CUX1: variants seen among roughly 807,000 people sequenced by gnomAD.
CUX1 encodes protein CASP.
In CUX1, 31 loss-of-function variants were observed where a neutral mutation model predicts 158.8. The ratio of observed to expected loss-of-function variants is 0.20; its 90% CI spans 0.15 to 0.26. The LOEUF is 0.26. CUX1 is among the 10% of genes least tolerant of loss of function. The pLI is 1.00. For synonymous variants in CUX1, 879 were observed against 862.1 expected (o/e 1.02, Z -0.34); for missense variants, 1,589 against 2,014.6 (o/e 0.79, Z 4.04).
intron 8 of CUX1, among the ~76,000 whole-genome samples, chr7:102,136,013 T>C (rs1833861002): frequency 6.6e-6 from 1 of 152,128 alleles, no homozygotes; most frequent in African/African-American, 2.4e-5. Flanking sequence ...CAATCCATTT[T>C]CTTATTTTTC....
intron 8 of CUX1, among the ~76,000 whole-genome samples, chr7:102,131,254 G>A (rs1288157054): frequency 6.6e-6 from 1 of 152,140 alleles, no homozygotes; most frequent in African/African-American, 2.4e-5. Context: ...GACCAGTTGT[G>A]TTAAGTGGCT....
chr7:102,008,028 AC>A (rs773332739), intron 2 of CUX1, among the ~76,000 whole-genome samples: 18 of 152,074 alleles, frequency 1.2e-4, no homozygotes, highest in Non-Finnish European at 2.4e-4. Context: ...TACAGGCACC[AC>A]TTCTGGTTCT....
intron 3 of CUX1, 52 bp from the exon 4 acceptor site, chr7:102,070,287 T>C (rs377587): frequency 0.83 from 1,243,659 of 1,491,136 alleles, 520,125 homozygotes; most frequent in East Asian, 0.99. Flanking sequence ...AATTACCTCT[T>C]GACAAATGTT....
Position 102,253,499 on chromosome 7 carries a change from A to G in CUX1, c.*4457A>G. ...GGATGACTTTGTTCCTCCTGCATGC[A>G]TGTCCTTTGATGCAAGGGTGATCAA... On this transcript the variant is annotated 3_prime_UTR_variant, in exon 24 of 24. Coordinates refer to ENST00000292535, the MANE Select transcript of CUX1 (RefSeq NM_181552.4). 1 of 985,490 alleles carries G rather than the reference A, an allele frequency of 1.0e-6. No homozygotes were observed. Among genetic ancestry groups the G allele is most frequent in the Non-Finnish European group, 1.2e-6 (1 of 829,956 alleles). The allele number at this position is 985,490 out of a possible 1,614,324, so 61.0% of individuals were successfully genotyped here.
chr7:101,867,223 A>G (rs1798024370), intron 1 of CUX1, among the ~76,000 whole-genome samples: 1 of 152,234 alleles, frequency 6.6e-6, no homozygotes, highest in Non-Finnish European at 1.5e-5. Context: ...TCTTGAAAAA[A>G]TAGAAGTAAA....
intron 3 of CUX1, among the ~76,000 whole-genome samples, chr7:102,040,309 A>G (rs1821919675): frequency 6.6e-6 from 1 of 152,198 alleles, no homozygotes; most frequent in Non-Finnish European, 1.5e-5. Flanking sequence ...AGAAGCAAGG[A>G]GAACCAGCCA....
At chr7:101,908,497 CAG>C (rs763129461) in intron 1 of CUX1, among the ~76,000 whole-genome samples, 2 of 146,454 alleles carry the variant, frequency 1.4e-5, no homozygotes, top group Non-Finnish European at 3.0e-5. Context: ...TGAATAGAGA[CAG>C]AGTTTCACTG....
chr7:102,038,184 A>T (rs1285114127), intron 3 of CUX1, among the ~76,000 whole-genome samples: 1 of 152,210 alleles, frequency 6.6e-6, no homozygotes, highest in Non-Finnish European at 1.5e-5. Context: ...ATAAAGATTC[A>T]TACTTACCTC....
chr7:101,893,158 C>CTTTTTTTT lies in CUX1; in HGVS notation c.31-22937_31-22930dup, dbSNP rs10589615. On this transcript the variant is annotated intron_variant, in intron 1 of 23. Coordinates refer to ENST00000292535, the MANE Select transcript of CUX1 (RefSeq NM_181552.4). Reference sequence around the variant, plus strand: ...TTCTTTTTACTTTTTATTTTTATTACTTTTTTTTTTTTTTTTTTTTTTTTT... The same window carrying CTTTTTTTT: ...TTCTTTTTACTTTTTATTTTTATTACTTTTTTTTTTTTTTTTTTTTTTTTTTTTTTTTT... 2.8e-4 allele frequency among the ~76,000 whole-genome samples: 18 copies of CTTTTTTTT among 64,950 alleles called. 5 individuals carry two copies. Among genetic ancestry groups the CTTTTTTTT allele is most frequent in the South Asian group, 6.4e-4 (1 of 1,566 alleles). 42.6% of individuals were successfully genotyped at this position (64,950 alleles called of 152,430 possible). A position where few individuals can be genotyped will look rare whatever the true frequency, so the allele number is the denominator to read the frequency against.
rs3088355 is a variant in CUX1, at chr7:102,256,177, C to T, written c.*7135C>T. Reference sequence around the variant, plus strand: ...GGCAGGATAGGGAGTATCCGTGATTCAGAAGCTGAGACCCTTCCCCAGTGT... The same window carrying T: ...GGCAGGATAGGGAGTATCCGTGATTTAGAAGCTGAGACCCTTCCCCAGTGT... On this transcript the variant is annotated 3_prime_UTR_variant, in exon 24 of 24. Transcript: ENST00000292535. 2.0e-6 allele frequency: 2 copies of T among 985,496 alleles called. No homozygotes were observed. Among genetic ancestry groups the T allele is most frequent in the Non-Finnish European group, 2.4e-6 (2 of 829,968 alleles). 61.0% of individuals were successfully genotyped at this position (985,496 alleles called of 1,614,324 possible). A position where few individuals can be genotyped will look rare whatever the true frequency, so the allele number is the denominator to read the frequency against.
chr7:102,234,333 T>C (rs1799313687), intron 22 of CUX1, 93 bp downstream of exon 22: 1 of 1,229,056 alleles, frequency 8.1e-7, no homozygotes, highest in Non-Finnish European at 1.1e-6. Flanking sequence ...ATGAGGGACA[T>C]TGACCCATGA....
At chr7:102,059,429 T>A (rs1265122264) in intron 3 of CUX1, among the ~76,000 whole-genome samples, 2 of 151,572 alleles carry the variant, frequency 1.3e-5, no homozygotes, top group Non-Finnish European at 2.9e-5. Flanking sequence ...AGGTCAGGAG[T>A]TCGAGACCAG....
rs113609905 is a variant in CUX1 at position 101,850,010 on chromosome 7, C to T, written c.30+32341C>T. 3.4e-4 allele frequency among the ~76,000 whole-genome samples: 52 copies of T among 150,816 alleles called. 2 individuals carry two copies. Among genetic ancestry groups the T allele is most frequent in the African/African-American group, 1.2e-3 (50 of 41,044 alleles). ...CTAGATCTTGGCTCACTGCAACCTC[C>T]GCTTCTGGGTTCAAGCTATTCTTCT... is the stretch of plus-strand genomic sequence containing the variant. On this transcript the variant is annotated intron_variant, in intron 1 of 23. Transcript: ENST00000292535.
rs1798449361 is a variant in CUX1 at position 102,227,441 on chromosome 7, A to G, written c.3205A>G (p.Ser1069Gly). ...GATGAGTTCCAGTGAGTCGGTGAAGAGCCTGACCGAGCTGGTCCAGCAGCC... is the reference window on the plus strand; with the variant it reads ...GATGAGTTCCAGTGAGTCGGTGAAGGGCCTGACCGAGCTGGTCCAGCAGCC... ...SPMSSSESVK[S>G]LTELVQQPCP... The change falls in exon 21 of 24, where the codon AGC becomes GGC. Residue 1069 changes from serine to glycine, a missense_variant. By Grantham distance (56) the Ser-to-Gly change is moderately conservative (BLOSUM62 0). Around this residue, in one of 8 missense-constraint regions of CUX1, gnomAD observed 259 missense variants for 373.8 expected, o/e 0.69. Coordinates refer to ENST00000292535, the MANE Select transcript of CUX1 (RefSeq NM_181552.4). 1 of 1,613,888 alleles carries G rather than the reference A, an allele frequency of 6.2e-7. No individual in the cohort carries two copies. The highest frequency in any genetic ancestry group is 1.3e-5 in the African/African-American group (1 of 74,882).
chr7:102,090,034 G>C (rs962781492), intron 4 of CUX1, among the ~76,000 whole-genome samples: 4 of 152,180 alleles, frequency 2.6e-5, no homozygotes, highest in African/African-American at 7.2e-5. Context: ...TATGACCAGA[G>C]CACAAGTTGA....
intron 1 of CUX1, among the ~76,000 whole-genome samples, chr7:101,850,455 T>G (rs2970460): frequency 0.58 from 80,833 of 138,914 alleles, 24,418 homozygotes; most frequent in African/African-American, 0.76. Context: ...ACAGGGTCTC[T>G]CTTTGTTGTC....
intron 1 of CUX1, among the ~76,000 whole-genome samples, chr7:101,824,221 T>C (rs1480309556): frequency 6.6e-6 from 1 of 152,156 alleles, no homozygotes; most frequent in East Asian, 1.9e-4. Context: ...CCCGAGTAGC[T>C]GTGATTACAG....
intron 21 of CUX1, among the ~76,000 whole-genome samples, chr7:102,232,428 T>C (rs1255647162): frequency 6.6e-6 from 1 of 152,238 alleles, no homozygotes; most frequent in Admixed American, 6.5e-5. Flanking sequence ...TGTGTGGTGT[T>C]TCTATTTCAC....
At chr7:101,877,470 T>G (rs1799262979) in intron 1 of CUX1, among the ~76,000 whole-genome samples, 1 of 152,170 alleles carries the variant, frequency 6.6e-6, no homozygotes, top group Non-Finnish European at 1.5e-5. Flanking sequence ...GCGGATCACT[T>G]GAGGTCAGGA....
Sources: allele counts gnomAD v4.1 joint callset (sites outside exome capture counted in the v4.1 genomes callset), GRCh38; gene constraint gnomAD v4.1.1; regional missense constraint gnomAD v4.1.1; transcripts MANE v1.5; gene names NCBI Gene and HGNC (gene_info 2026-07-23, HGNC 2026-07-21).